The following CCDC87 variants were observed in gnomAD, a reference collection of about 807,000 sequenced individuals.
CCDC87 encodes coiled-coil domain-containing protein 87.
For synonymous variants in CCDC87, 434 were observed against 440.2 expected (o/e 0.99, Z 0.18); for missense variants, 1,072 against 1,041.7 (o/e 1.03, Z -0.40).
chr11:66,592,287 T>A lies in CCDC87; in HGVS notation c.729A>T (p.Pro243=). 2 of 1,614,248 alleles carry A rather than the reference T, an allele frequency of 1.2e-6. No individual in the cohort carries two copies. The change falls in exon 1 of 1, where the codon CCA becomes CCT. Residue 243 remains proline, a synonymous_variant. Coordinates refer to ENST00000333861, the MANE Select transcript of CCDC87 (RefSeq NM_018219.3). ...ATTCCTTCACTGGATCCATCCTTCC[T>A]GGCTCATTGAGAAACTCTGGTGGAC... is the stretch of plus-strand genomic sequence containing the variant. The part of the protein sequence containing the change: ...LSRPPEFLNE[P]GRMDPVKELK...
chr11:66,590,867 A>G lies in CCDC87; in HGVS notation c.2149T>C (p.Leu717=), dbSNP rs780012630. The part of the protein sequence containing the change: ...SKARLRQLPS[L]VNAWERALKP... The stretch of plus-strand genomic sequence containing the variant: ...AGGGCCCGCTCCCAGGCATTCACCA[A>G]TGAAGGCAGCTGCCTCAGGCGGGCT... Residue 717 remains leucine, a synonymous_variant, in exon 1 of 1, where the codon TTG becomes CTG. Coordinates refer to ENST00000333861, the MANE Select transcript of CCDC87 (RefSeq NM_018219.3). 6.2e-7 allele frequency: 1 copy of G among 1,613,962 alleles called. No homozygotes were observed. The highest frequency in any genetic ancestry group is 1.1e-5 in the South Asian group (1 of 91,090).
Position 66,590,211 on chromosome 11 carries a change from G to C in CCDC87, c.*255C>G, listed in dbSNP as rs370285161. Reference sequence around the variant, plus strand: ...GGAGATTTGGCTTGTATTGTGCAAGGCTTGACATAATGGGACTACTAGGCT... The same window carrying C: ...GGAGATTTGGCTTGTATTGTGCAAGCCTTGACATAATGGGACTACTAGGCT... On this transcript the variant is annotated 3_prime_UTR_variant, in exon 1 of 1. Transcript: ENST00000333861. The C allele has an allele frequency of 1.9e-5, 9 of 475,968 alleles. No homozygotes were observed. The highest frequency in any genetic ancestry group is 7.8e-5 in the Admixed American group (2 of 25,602). 29.5% of individuals were successfully genotyped at this position (475,968 alleles called of 1,614,324 possible).
At position 66,591,010 on chromosome 11, in the gene CCDC87, G is replaced by T; in HGVS notation, c.2006C>A (p.Pro669His). The T allele has an allele frequency of 6.2e-7, 1 of 1,613,986 alleles. No homozygotes were observed. The highest frequency in any genetic ancestry group is 8.5e-7 in the Non-Finnish European group (1 of 1,180,044). ...LEHRLGAGKTPHLGEPHKILS... is the reference protein window; with the variant it reads ...LEHRLGAGKTHHLGEPHKILS... ...AATTTTGTGGGGTTCTCCCAGGTGG[G>T]GTGTCTTCCCAGCTCCTAGCCTGTG... The change falls in exon 1 of 1, where the codon CCC becomes CAC. Residue 669 changes from proline to histidine, a missense_variant. By Grantham distance (77) the Pro-to-His change is moderately conservative. Coordinates refer to ENST00000333861, the MANE Select transcript of CCDC87 (RefSeq NM_018219.3).
Position 66,591,755 on chromosome 11 carries a change from A to T in CCDC87, c.1261T>A (p.Ser421Thr), listed in dbSNP as rs1421660520. 6.2e-7 allele frequency: 1 copy of T among 1,613,422 alleles called. No individual in the cohort carries two copies. The highest frequency in any genetic ancestry group is 1.1e-5 in the South Asian group (1 of 91,078). ...ACTGGCTGTGGGTGAAGTGGAAAGG[A>T]TTTGGGGGGCTGGGGGTCCCACTGC... Reference protein sequence around the residue: ...SGQWDPQPPKSFPLHPQPVTI... With the variant: ...SGQWDPQPPKTFPLHPQPVTI... Residue 421 changes from serine (S) to threonine (T), a missense_variant, in exon 1 of 1, where the codon TCC (serine) becomes ACC (threonine). Physicochemically the swap from Ser to Thr is moderately conservative, Grantham distance 58. Transcript: ENST00000333861.
rs1179398362 is a variant in CCDC87 at position 66,592,155 on chromosome 11, G to A, written c.861C>T (p.Pro287=). ...DISSSQMVSL[P]SYPVAPTSRA... is the part of the protein sequence containing the mutation. ...TGCTGGTGGGGGCCACAGGATAGCT[G>A]GGCAGCGACACCATCTGTGAGGAAC... Residue 287 remains proline (P), a synonymous_variant, in exon 1 of 1, where the codon CCC becomes CCT. Transcript: ENST00000333861. 6.3e-7 allele frequency: 1 copy of A among 1,587,808 alleles called. No individual in the cohort carries two copies. Among genetic ancestry groups the A allele is most frequent in the East Asian group, 2.2e-5 (1 of 44,758 alleles).
At position 66,592,407 on chromosome 11, in the gene CCDC87, C is replaced by A. The variant is rs200400457; in HGVS notation, c.609G>T (p.Thr203=). 1.2e-5 allele frequency: 19 copies of A among 1,614,058 alleles called. No individual in the cohort carries two copies. The South Asian group carries it at 1.3e-4, about 11-fold the overall frequency. The change falls in exon 1 of 1, where the codon ACG becomes ACT. Residue 203 remains threonine, a synonymous_variant. Transcript: ENST00000333861. Reference sequence around the variant, plus strand: ...GCCAGGGGATAGGGCACAGCTTGAACGTCCCAGCGGGGCAGACAGGGTGCA... The same window carrying A: ...GCCAGGGGATAGGGCACAGCTTGAAAGTCCCAGCGGGGCAGACAGGGTGCA... ...DKLHPVCPAG[T]FKLCPIPWPH... is the part of the protein sequence containing the mutation.
rs778731964 is a variant in CCDC87 at position 66,592,980 on chromosome 11, C to T, written c.36G>A (p.Gln12=). ...MEPPKPEPEL[Q]RFYHRLLRPL... is the part of the protein sequence containing the mutation. ...GACGCAGCAGCCGGTGGTAAAACCG[C>T]TGGAGCTCAGGCTCGGGCTTCGGGG... Residue 12 remains glutamine, a synonymous_variant, in exon 1 of 1, where the codon CAG becomes CAA. Coordinates refer to ENST00000333861, the MANE Select transcript of CCDC87 (RefSeq NM_018219.3). The T allele has an allele frequency of 6.6e-7, 1 of 1,516,162 alleles. No individual in the cohort carries two copies. Among genetic ancestry groups the T allele is most frequent in the Non-Finnish European group, 8.8e-7 (1 of 1,134,800 alleles). The allele number at this position is 1,516,162 out of a possible 1,614,324, so 93.9% of individuals were successfully genotyped here.
Position 66,590,420 on chromosome 11 carries a change from G to A in CCDC87, c.*46C>T. The A allele has an allele frequency of 1.4e-6, 2 of 1,449,740 alleles. No homozygotes were observed. The highest frequency in any genetic ancestry group is 1.9e-6 in the Non-Finnish European group (2 of 1,066,008). 89.8% of individuals were successfully genotyped at this position (1,449,740 alleles called of 1,614,324 possible). On this transcript the variant is annotated 3_prime_UTR_variant, in exon 1 of 1. Coordinates refer to ENST00000333861, the MANE Select transcript of CCDC87 (RefSeq NM_018219.3). ...TTTAGGGGTGAGGGAGGCATTTGAG[G>A]GCACTGGGCCTGGTCAAGGAGTAAT...
At position 66,593,001 on chromosome 11, in the gene CCDC87, CG is replaced by C. The variant is rs1339327631; in HGVS notation, c.14del (p.Pro5ArgfsTer49). The C allele has an allele frequency of 1.8e-5, 27 of 1,513,278 alleles. No individual in the cohort carries two copies. Among genetic ancestry groups the C allele is most frequent in the African/African-American group, 2.8e-5 (2 of 71,592 alleles). 93.7% of individuals were successfully genotyped at this position (1,513,278 alleles called of 1,614,324 possible). ...ACCGCTGGAGCTCAGGCTCGGGCTT[CG>C]GGGGCTCCATCATAGAGCCGGCGGC... The part of the protein sequence containing the change: MMEP[P>X]KPEPELQRFY... On this transcript the variant is annotated frameshift_variant, in exon 1 of 1. Coordinates refer to ENST00000333861, the MANE Select transcript of CCDC87 (RefSeq NM_018219.3). LOFTEE classifies it low-confidence loss of function (END_TRUNC).
At position 66,591,581 on chromosome 11, in the gene CCDC87, C is replaced by T. The variant is rs1365257839; in HGVS notation, c.1435G>A (p.Glu479Lys). The T allele has an allele frequency of 6.2e-7, 1 of 1,614,102 alleles. No homozygotes were observed. The highest frequency in any genetic ancestry group is 8.5e-7 in the Non-Finnish European group (1 of 1,180,016). The change falls in exon 1 of 1, where the codon GAA becomes AAA. Residue 479 changes from glutamate (E) to lysine (K), a missense_variant. Glu to Lys is a moderately conservative substitution (Grantham distance 56). Transcript: ENST00000333861. ...ACAAAGTTATCAATATCCATTTTTTCAATGGCTTTGGGATCCAGTTCACCA... is the reference window on the plus strand; with the variant it reads ...ACAAAGTTATCAATATCCATTTTTTTAATGGCTTTGGGATCCAGTTCACCA... ...LAGELDPKAI[E>K]KMDIDNFVGS...
rs774072744 is a variant in CCDC87, at chr11:66,590,783, C to T, written c.2233G>A (p.Ala745Thr). The change falls in exon 1 of 1, where the codon GCT becomes ACT. Residue 745 changes from alanine (A) to threonine (T), a missense_variant. Physicochemically the swap from Ala to Thr is moderately conservative, Grantham distance 58 (BLOSUM62 0). Coordinates refer to ENST00000333861, the MANE Select transcript of CCDC87 (RefSeq NM_018219.3). The stretch of plus-strand genomic sequence containing the variant: ...TTGAAGAAGCGGTTGGGATTGGAAG[C>T]TTGTCCCTCAAACCACTCTAGTCTC... ...LARLEWFEGQ[A>T]SNPNRFFKKT... 28 of 1,612,710 alleles carry T rather than the reference C, an allele frequency of 1.7e-5. No individual in the cohort carries two copies. Among genetic ancestry groups the T allele is most frequent in the Non-Finnish European group, 2.4e-5 (28 of 1,180,058 alleles).
At position 66,591,144 on chromosome 11, in the gene CCDC87, A is replaced by T. The variant is rs769011924; in HGVS notation, c.1872T>A (p.Ile624=). ...QMHEEEVPVE[I]VAPARESLEI... is the part of the protein sequence containing the mutation. ...CTAGGGACTCTCTGGCAGGGGCCAC[A>T]ATCTCCACAGGAACCTCTTCTTCAT... The change falls in exon 1 of 1, where the codon ATT becomes ATA. Residue 624 remains isoleucine, a synonymous_variant. Transcript: ENST00000333861. 8.1e-6 allele frequency: 13 copies of T among 1,614,042 alleles called. No homozygotes were observed. Among genetic ancestry groups the T allele is most frequent in the Non-Finnish European group, 8.5e-7 (1 of 1,180,044 alleles).
At position 66,590,547 on chromosome 11, in the gene CCDC87, CT is replaced by C; in HGVS notation, c.2468del (p.Gln823ArgfsTer11). 1 of 1,614,214 alleles carries C rather than the reference CT, an allele frequency of 6.2e-7. No individual in the cohort carries two copies. The highest frequency in any genetic ancestry group is 8.5e-7 in the Non-Finnish European group (1 of 1,180,036). ...CCGAGACCAGGTGGCGAACCCGCCG[CT>C]GCTGTTGCAGCCAATAGAGCATCTC... ...KVEMLYWLQQ[Q>X]RRVRHLVSAL... On this transcript the variant is annotated frameshift_variant, in exon 1 of 1. Transcript: ENST00000333861. LOFTEE classifies it low-confidence loss of function (END_TRUNC).
rs751470912 is a variant in CCDC87, at chr11:66,592,330, T to C, written c.686A>G (p.Tyr229Cys). ...TGGTGGACGGCTGAGTTGGATGAGGTAGTTCAGGTTGAGGTTAGAGCACTG... is the reference window on the plus strand; with the variant it reads ...TGGTGGACGGCTGAGTTGGATGAGGCAGTTCAGGTTGAGGTTAGAGCACTG... ...QVQCSNLNLNYLIQLSRPPEF... is the reference protein window; with the variant it reads ...QVQCSNLNLNCLIQLSRPPEF... The change falls in exon 1 of 1, where the codon TAC becomes TGC. Residue 229 changes from tyrosine (Y) to cysteine (C), a missense_variant. Tyr to Cys is a radical substitution (Grantham distance 194, BLOSUM62 -2). Coordinates refer to ENST00000333861, the MANE Select transcript of CCDC87 (RefSeq NM_018219.3). The C allele has an allele frequency of 6.2e-7, 1 of 1,613,982 alleles. No individual in the cohort carries two copies. Among genetic ancestry groups the C allele is most frequent in the East Asian group, 2.2e-5 (1 of 44,858 alleles).
chr11:66,592,422 G>GAC lies in CCDC87; in HGVS notation c.592_593dup (p.Cys199SerfsTer30). On this transcript the variant is annotated frameshift_variant, in exon 1 of 1. Coordinates refer to ENST00000333861, the MANE Select transcript of CCDC87 (RefSeq NM_018219.3). LOFTEE classifies it low-confidence loss of function (END_TRUNC). ...ACAGCTTGAACGTCCCAGCGGGGCA[G>GAC]ACAGGGTGCAGCTTGTCCACATCCC... The GAC allele has an allele frequency of 6.2e-7, 1 of 1,614,032 alleles. No individual in the cohort carries two copies. The highest frequency in any genetic ancestry group is 8.5e-7 in the Non-Finnish European group (1 of 1,180,008).
At position 66,592,119 on chromosome 11, in the gene CCDC87, G is replaced by C; in HGVS notation, c.897C>G (p.Pro299=). ...TCCGGAGCTCAGGGCAGAAAGGCGA[G>C]GGGGAAGCCCTGCTGGTGGGGGCCA... The part of the protein sequence containing the change: ...YPVAPTSRAS[P]SPFCPELRRG... The change falls in exon 1 of 1, where the codon CCC becomes CCG. Residue 299 remains proline (P), a synonymous_variant. Transcript: ENST00000333861. 1 of 1,587,306 alleles carries C rather than the reference G, an allele frequency of 6.3e-7. No homozygotes were observed. The highest frequency in any genetic ancestry group is 8.6e-7 in the Non-Finnish European group (1 of 1,166,794).
In CCDC87 at chr11:66,590,815, A is replaced by C. The variant is rs1016692935; in HGVS notation, c.2201T>G (p.Leu734Trp). 8 of 1,613,514 alleles carry C rather than the reference A, an allele frequency of 5.0e-6. No individual in the cohort carries two copies. Among genetic ancestry groups the C allele is most frequent in the Non-Finnish European group, 5.1e-6 (6 of 1,180,040 alleles). The change falls in exon 1 of 1, where the codon TTG (leucine) becomes TGG (tryptophan). Residue 734 changes from leucine (L) to tryptophan (W), a missense_variant. By Grantham distance (61) the Leu-to-Trp change is moderately conservative. Coordinates refer to ENST00000333861, the MANE Select transcript of CCDC87 (RefSeq NM_018219.3). ...ALKPIQLREA[L>W]LARLEWFEGQ... The stretch of plus-strand genomic sequence containing the variant: ...CTCAAACCACTCTAGTCTCGCCAGC[A>C]ATGCCTCCCGCAGCTGAATGGGCTT...
Position 66,592,525 on chromosome 11 carries a change from AGT to A in CCDC87, c.489_490del (p.Phe165ProfsTer3). ...GTAGACGTTGGGACTAGTAAGGAAGAGTGTGCAGTCCCTGGCGAGGCTGGCGG... is the reference window on the plus strand; with the variant it reads ...GTAGACGTTGGGACTAGTAAGGAAGAGTGCAGTCCCTGGCGAGGCTGGCGG... On this transcript the variant is annotated frameshift_variant, in exon 1 of 1. Transcript: ENST00000333861. LOFTEE classifies it low-confidence loss of function (END_TRUNC). The A allele has an allele frequency of 6.2e-7, 1 of 1,613,442 alleles. No homozygotes were observed. Among genetic ancestry groups the A allele is most frequent in the Middle Eastern group, 1.6e-4 (1 of 6,062 alleles).
rs748300906 is a variant in CCDC87 at position 66,590,632 on chromosome 11, C to T, written c.2384G>A (p.Gly795Asp). The change falls in exon 1 of 1, where the codon GGC becomes GAC. Residue 795 changes from glycine to aspartate, a missense_variant. Gly to Asp is a moderately conservative substitution (Grantham distance 94). Coordinates refer to ENST00000333861, the MANE Select transcript of CCDC87 (RefSeq NM_018219.3). ...CCGCCCCTTGAAGATCACTGGCTCG[C>T]CAAAGATTAACTCTATCTCCTCCAG... ...SLLEEIELIF[G>D]EPVIFKGRPY... The T allele has an allele frequency of 1.2e-6, 2 of 1,614,184 alleles. No homozygotes were observed. Among genetic ancestry groups the T allele is most frequent in the Non-Finnish European group, 1.7e-6 (2 of 1,180,034 alleles).
Sources: gnomAD v4.1 joint callset for allele counts on GRCh38, gnomAD v4.1.1 for gene constraint, MANE v1.5 for transcripts, NCBI Gene and HGNC (gene_info 2026-07-23, HGNC 2026-07-21) for gene names.